NCK1: variants seen among roughly 807,000 people sequenced by gnomAD.
NCK1 encodes NCK adaptor protein 1.
NCK1 carries 19 observed loss-of-function variants against 36.6 expected under a neutral mutation model. The ratio of observed to expected loss-of-function variants is 0.52; its 90% CI spans 0.36 to 0.76. The LOEUF (loss-of-function observed/expected upper bound fraction) is 0.76, where lower values mean the gene tolerates loss of function less well. NCK1 is among the 30% of genes least tolerant of loss of function. The probability of loss-of-function intolerance (pLI) is 0.00; values close to 1 mark genes in which losing one functional copy is unlikely to be tolerated. For missense variants in NCK1, 358 were observed against 445.6 expected (o/e 0.80, Z 1.77); for synonymous variants, 165 against 156.0 (o/e 1.06, Z -0.43).
At chr3:136,867,166 TTCCTTCCTTCCTTC>T (rs879424230) in intron 1 of NCK1, among the ~76,000 whole-genome samples, 11,289 of 73,350 alleles carry the variant, frequency 0.15, 1,614 homozygotes, top group African/African-American at 0.23. Context: ...CCTTCCTTCC[TTCCTTCCTTCCTTC>T]TTTCTTTCTT....
At chr3:136,888,596 G>C (rs929038073) in intron 1 of NCK1, among the ~76,000 whole-genome samples, 2 of 151,218 alleles carry the variant, frequency 1.3e-5, no homozygotes, top group African/African-American at 4.9e-5. Flanking sequence ...TAGAGACGGG[G>C]TTTCACCATG....
At chr3:136,898,385 C>CAAA (rs36033316) in intron 1 of NCK1, among the ~76,000 whole-genome samples, 41 of 76,542 alleles carry the variant, frequency 5.4e-4, no homozygotes, top group Middle Eastern at 6.2e-3. Context: ...GACTCCCTCT[C>CAAA]AAAAAAAAAA....
At chr3:136,898,872 T>C (rs767880979) in intron 1 of NCK1, among the ~76,000 whole-genome samples, 4 of 152,210 alleles carry the variant, frequency 2.6e-5, no homozygotes, top group Non-Finnish European at 5.9e-5. Flanking sequence ...AGAAGATAAT[T>C]CTTACAAAGC....
intron 1 of NCK1, among the ~76,000 whole-genome samples, chr3:136,873,896 C>G (rs1378560322): frequency 6.6e-6 from 1 of 152,150 alleles, no homozygotes; most frequent in Admixed American, 6.6e-5. Context: ...TCCATTAAAC[C>G]TCTTTCTTTT....
At chr3:136,898,637 A>G (rs1424162580) in intron 1 of NCK1, among the ~76,000 whole-genome samples, 1 of 152,242 alleles carries the variant, frequency 6.6e-6, no homozygotes, top group Admixed American at 6.5e-5. Context: ...AATAAAACTG[A>G]TAATATAGCT....
chr3:136,905,976 G>A (rs1044361609), intron 1 of NCK1, among the ~76,000 whole-genome samples: 7 of 94,412 alleles, frequency 7.4e-5, no homozygotes, highest in African/African-American at 2.2e-4. Context: ...GTCTTTTGGC[G>A]GTGTCATATT....
chr3:136,922,309 T>TG (rs1458149373), intron 1 of NCK1, among the ~76,000 whole-genome samples: 1 of 152,196 alleles, frequency 6.6e-6, no homozygotes, highest in African/African-American at 2.4e-5. Context: ...CTCAGGTCCT[T>TG]GGGAAGATAG....
rs113253727 is a variant in NCK1 at position 136,945,599 on chromosome 3, A to G, written c.243A>G (p.Lys81=). The stretch of plus-strand genomic sequence containing the variant: ...TTTCAACAGGCATTGGAAAAGTGAA[A>G]AGAAAACCTAGTGTGCCAGATTCTG... ...LKDTLGIGKV[K]RKPSVPDSAS... is the part of the protein sequence containing the mutation. The change falls in exon 3 of 4, where the codon AAA becomes AAG. Residue 81 remains lysine, a synonymous_variant. Coordinates refer to ENST00000481752, the MANE Select transcript of NCK1 (RefSeq NM_001291999.2). 3.2e-5 allele frequency: 51 copies of G among 1,602,586 alleles called. No individual in the cohort carries two copies. Among genetic ancestry groups the G allele is most frequent in the African/African-American group, 3.0e-4 (22 of 74,470 alleles).
intron 1 of NCK1, among the ~76,000 whole-genome samples, chr3:136,920,397 A>G (rs1477338676): frequency 1.3e-5 from 2 of 152,212 alleles, no homozygotes; most frequent in Non-Finnish European, 2.9e-5. Flanking sequence ...TCATTCACTT[A>G]TTCACTCAAC....
intron 2 of NCK1, among the ~76,000 whole-genome samples, chr3:136,940,494 TG>T (rs1239566016): frequency 1.3e-5 from 2 of 152,192 alleles, no homozygotes; most frequent in African/African-American, 4.8e-5. Flanking sequence ...CTTGATGGAC[TG>T]ATTCTTTTAT....
At chr3:136,895,344 G>A (rs547974536) in intron 1 of NCK1, among the ~76,000 whole-genome samples, 4 of 151,522 alleles carry the variant, frequency 2.6e-5, no homozygotes, top group African/African-American at 7.3e-5. Context: ...TCATGTTTCC[G>A]TACCTTTTAA....
chr3:136,893,375 T>A (rs1200946707), intron 1 of NCK1, among the ~76,000 whole-genome samples: 1 of 151,684 alleles, frequency 6.6e-6, no homozygotes, highest in Non-Finnish European at 1.5e-5. Context: ...TGCATTGTGG[T>A]TTTGATTTGC....
chr3:136,947,106 TGTGTG>T (rs1388429517), intron 3 of NCK1: 5 of 152,084 alleles, frequency 3.3e-5, no homozygotes, highest in African/African-American at 1.2e-4. Flanking sequence ...TGAAAGAAAA[TGTGTG>T]GAAGTGGGGT....
chr3:136,923,020 C>T (rs763734085), intron 1 of NCK1, among the ~76,000 whole-genome samples: 3 of 152,098 alleles, frequency 2.0e-5, no homozygotes, highest in Admixed American at 6.5e-5. Context: ...AAGGAAGTCT[C>T]ATGTGCTGCT....
chr3:136,932,890 A>G (rs748466468), intron 2 of NCK1, among the ~76,000 whole-genome samples: 1 of 152,260 alleles, frequency 6.6e-6, no homozygotes, highest in Non-Finnish European at 1.5e-5. Context: ...CCCCATTCTC[A>G]ACACTTACTC....
In NCK1 at chr3:136,951,096, AG is replaced by A. The variant is rs1337924813; in HGVS notation, c.*2644del. On this transcript the variant is annotated 3_prime_UTR_variant, in exon 4 of 4. Transcript: ENST00000481752. Reference sequence around the variant, plus strand: ...CATGCAATCTATTGCCATTGCTAGAAGAATAAATAGGCCTAGCAGATGGGCA... The same window carrying A: ...CATGCAATCTATTGCCATTGCTAGAAAATAAATAGGCCTAGCAGATGGGCA... 1.3e-5 allele frequency among the ~76,000 whole-genome samples: 2 copies of A among 152,236 alleles called. No individual in the cohort carries two copies. Among genetic ancestry groups the A allele is most frequent in the African/African-American group, 4.8e-5 (2 of 41,470 alleles).
At chr3:136,887,831 A>C (rs1939112212) in intron 1 of NCK1, among the ~76,000 whole-genome samples, 1 of 152,240 alleles carries the variant, frequency 6.6e-6, no homozygotes, top group Non-Finnish European at 1.5e-5. Flanking sequence ...TAACTTGCTC[A>C]GTGTTACACA....
At chr3:136,897,561 T>C (rs1939422547) in intron 1 of NCK1, among the ~76,000 whole-genome samples, 1 of 152,230 alleles carries the variant, frequency 6.6e-6, no homozygotes, top group African/African-American at 2.4e-5. Flanking sequence ...TAGCCTACTT[T>C]TAAATGGGAT....
chr3:136,889,907 C>T (rs941844448), intron 1 of NCK1, among the ~76,000 whole-genome samples: 3 of 152,096 alleles, frequency 2.0e-5, no homozygotes, highest in Non-Finnish European at 2.9e-5. Context: ...TCTCCAAGGC[C>T]CCACCAGACT....
Sources: allele counts gnomAD v4.1 joint callset (sites outside exome capture counted in the v4.1 genomes callset), GRCh38; gene constraint gnomAD v4.1.1; transcripts MANE v1.5; gene names NCBI Gene and HGNC (gene_info 2026-07-23, HGNC 2026-07-21).